Variants in MAST4 observed in about 807,000 individuals in gnomAD.
The protein encoded by MAST4 is microtubule associated serine/threonine kinase family member 4.
In MAST4, 89 loss-of-function variants were observed where a neutral mutation model predicts 162.7. That is an observed-to-expected ratio of 0.55 (90% CI 0.46 to 0.65). The LOEUF is 0.65. Ranked by LOEUF, MAST4 falls within the 30% of genes least tolerant of loss-of-function variation. MAST4 has a pLI of 0.00. For missense variants in MAST4, 3,153 were observed against 3,374.0 expected (o/e 0.93, Z 1.62); for synonymous variants, 1,479 against 1,361.1 (o/e 1.09, Z -1.91).
chr5:67,167,869 CT>C lies in MAST4; in HGVS notation c.*819del, dbSNP rs1774227363. ...TGTTCCTTTCTGTGGATGTGGATGT[CT>C]GGCCTTCACCTGAGGTAGAGCGGGG... On this transcript the variant is annotated 3_prime_UTR_variant, in exon 29 of 29. Transcript: ENST00000403625. 1 of 152,256 alleles carries C rather than the reference CT, an allele frequency of 6.6e-6. No individual in the cohort carries two copies. Among genetic ancestry groups the C allele is most frequent in the Non-Finnish European group, 1.5e-5 (1 of 68,054 alleles). 9.4% of individuals were successfully genotyped at this position (152,256 alleles called of 1,614,324 possible).
intron 4 of MAST4, among the ~76,000 whole-genome samples, chr5:66,984,146 A>G (rs944292212): frequency 2.0e-5 from 3 of 152,194 alleles, no homozygotes; most frequent in African/African-American, 7.2e-5. Context: ...CCAGAAAAAC[A>G]CTGGAGGAGT....
In MAST4 at chr5:67,099,728, TCTTTC is replaced by T. The variant is rs576622362; in HGVS notation, c.913-703_913-699del. Among the ~76,000 whole-genome samples, 12 of 152,254 alleles carry T rather than the reference TCTTTC, an allele frequency of 7.9e-5. 1 individual carries two copies. The South Asian group carries it at 1.4e-3, about 18-fold the overall frequency. Reference sequence around the variant, plus strand: ...GTTATTTAGCTGTTCATCTTTCCTGTCTTTCCTTGTTCCAAATGTTGAATGACGAT... The same window carrying T: ...GTTATTTAGCTGTTCATCTTTCCTGTCTTGTTCCAAATGTTGAATGACGAT... On this transcript the variant is annotated intron_variant, in intron 7 of 28. Coordinates refer to ENST00000403625, the MANE Select transcript of MAST4 (RefSeq NM_001164664.2).
intron 3 of MAST4, among the ~76,000 whole-genome samples, chr5:66,888,082 A>G (rs1255728264): frequency 1.2e-4 from 18 of 152,074 alleles, no homozygotes. Flanking sequence ...CATTGGAGAA[A>G]ATACTTTAAA....
chr5:66,833,215 A>G (rs78318823), intron 3 of MAST4, among the ~76,000 whole-genome samples: 2,154 of 152,182 alleles, frequency 0.014, 48 homozygotes, highest in African/African-American at 0.048. Flanking sequence ...TCATCTCTGT[A>G]TTTTGGTCAG....
intron 4 of MAST4, among the ~76,000 whole-genome samples, chr5:66,968,173 GTGATGTTCTTT>G (rs1462996806): frequency 1.3e-4 from 20 of 152,210 alleles, no homozygotes; most frequent in Non-Finnish European, 2.9e-5. Flanking sequence ...TTATGCCGTA[GTGATGTTCTTT>G]TGTACTTCTG....
intron 4 of MAST4, chr5:66,959,122 C>A: frequency 1.4e-6 from 1 of 700,042 alleles, no homozygotes; most frequent in Non-Finnish European, 2.7e-6. Flanking sequence ...GCAGCCTCCC[C>A]CTCCCCCTCG....
At chr5:66,625,199 A>G (rs888907219) in intron 1 of MAST4, among the ~76,000 whole-genome samples, 8 of 152,176 alleles carry the variant, frequency 5.3e-5, no homozygotes, top group Admixed American at 1.3e-4. Flanking sequence ...CTCCAGCAAG[A>G]TTATATTGCA....
intron 1 of MAST4, among the ~76,000 whole-genome samples, chr5:66,701,421 G>T (rs1295106749): frequency 2.6e-5 from 4 of 152,168 alleles, no homozygotes; most frequent in East Asian, 3.8e-4. Flanking sequence ...ACAGAGAGGG[G>T]TCTGTAGCTC....
chr5:66,929,990 C>G (rs1742001599), intron 4 of MAST4, among the ~76,000 whole-genome samples: 1 of 152,178 alleles, frequency 6.6e-6, no homozygotes, highest in Non-Finnish European at 1.5e-5. Context: ...CTACCTCATA[C>G]AGAGACCTTT....
chr5:66,828,031 T>C (rs1265982587), intron 3 of MAST4, among the ~76,000 whole-genome samples: 3 of 152,230 alleles, frequency 2.0e-5, no homozygotes, highest in Non-Finnish European at 4.4e-5. Context: ...GCTTATACAC[T>C]ATACATAGGT....
chr5:66,614,587 A>G (rs984646274), intron 1 of MAST4, among the ~76,000 whole-genome samples: 2 of 152,154 alleles, frequency 1.3e-5, no homozygotes, highest in African/African-American at 4.8e-5. Flanking sequence ...GAAGAATTCT[A>G]TTGGAGATTT....
Position 67,163,128 on chromosome 5 carries a change from T to C in MAST4, c.3968-19T>C, listed in dbSNP as rs536952443. 3.8e-6 allele frequency: 6 copies of C among 1,587,812 alleles called. No homozygotes were observed. In the South Asian group the frequency reaches 6.7e-5, roughly 18 times the overall value. On this transcript the variant is annotated intron_variant, in intron 28 of 28. Coordinates refer to ENST00000403625, the MANE Select transcript of MAST4 (RefSeq NM_001164664.2). The surrounding 1 kb of genome is among the most constrained non-coding windows in gnomAD (Gnocchi z 7.0). ...AAAATGACCATGGATGCTCACAGCC[T>C]TCTGTTTTCCATCCACAGGTACTAA...
At chr5:66,749,597 C>A (rs774806241) in intron 1 of MAST4, among the ~76,000 whole-genome samples, 2 of 152,232 alleles carry the variant, frequency 1.3e-5, no homozygotes, top group Admixed American at 1.3e-4. Context: ...AAGTGACTTA[C>A]TACAGGACAA....
intron 4 of MAST4, among the ~76,000 whole-genome samples, chr5:66,970,012 G>T (rs1035749263): frequency 6.6e-6 from 1 of 152,146 alleles, no homozygotes; most frequent in Non-Finnish European, 1.5e-5. Context: ...TTGTCATATA[G>T]GATCAAATCT....
chr5:66,780,157 A>G (rs1196028872), intron 2 of MAST4, among the ~76,000 whole-genome samples: 1 of 152,208 alleles, frequency 6.6e-6, no homozygotes. Context: ...AGCACTATCC[A>G]TCTCCAGAAC....
chr5:66,962,821 T>TCAAA (rs2150164827), intron 4 of MAST4, among the ~76,000 whole-genome samples: 1 of 152,348 alleles, frequency 6.6e-6, no homozygotes, highest in South Asian at 2.1e-4. Flanking sequence ...TTAGCTAATT[T>TCAAA]TTACTTTGAT....
At chr5:66,944,514 A>G (rs1743753515) in intron 4 of MAST4, among the ~76,000 whole-genome samples, 1 of 152,160 alleles carries the variant, frequency 6.6e-6, no homozygotes, top group South Asian at 2.1e-4. Context: ...ACATTTATAA[A>G]GCATCTACCA....
intron 3 of MAST4, among the ~76,000 whole-genome samples, chr5:66,821,900 G>C (rs1455171309): frequency 6.6e-6 from 1 of 152,124 alleles, no homozygotes; most frequent in East Asian, 1.9e-4. Context: ...AGATGGGGAG[G>C]GTTGGGAGAC....
intron 4 of MAST4, among the ~76,000 whole-genome samples, chr5:66,950,519 G>C (rs1744554149): frequency 6.6e-6 from 1 of 152,096 alleles, no homozygotes; most frequent in Non-Finnish European, 1.5e-5. Flanking sequence ...TACCTACCCA[G>C]AGTAGCTAGC....
Sources: gnomAD v4.1 joint callset for allele counts (sites outside exome capture counted in the v4.1 genomes callset) on GRCh38, gnomAD v4.1.1 for gene constraint, Gnocchi (gnomAD v3.1) non-coding constraint, MANE v1.5 for transcripts, NCBI Gene and HGNC (gene_info 2026-07-23, HGNC 2026-07-21) for gene names.